Variants in P4HA3 observed in about 807,000 individuals in gnomAD.
The protein encoded by P4HA3 is prolyl 4-hydroxylase subunit alpha-3.
A neutral mutation model predicts 66.7 loss-of-function variants in P4HA3; 60 were observed. That is an observed-to-expected ratio of 0.90 (90% CI 0.73 to 1.12). The LOEUF (loss-of-function observed/expected upper bound fraction) is 1.12, where lower values mean the gene tolerates loss of function less well. P4HA3 is among the 50% of genes most tolerant of loss of function. P4HA3 has a pLI of 0.00. For missense variants in P4HA3, 683 were observed against 685.8 expected (o/e 1.00, Z 0.05); for synonymous variants, 263 against 274.6 (o/e 0.96, Z 0.42).
At chr11:74,308,232 G>C (rs542057473) in intron 1 of P4HA3, among the ~76,000 whole-genome samples, 11 of 152,202 alleles carry the variant, frequency 7.2e-5, no homozygotes, top group African/African-American at 2.6e-4. Flanking sequence ...AAACATAAAG[G>C]CTGGGCACGG....
intron 8 of P4HA3, among the ~76,000 whole-genome samples, chr11:74,278,131 G>A (rs1177135214): frequency 1.3e-5 from 2 of 152,218 alleles, no homozygotes; most frequent in Non-Finnish European, 1.5e-5. Context: ...AAGCACAGAG[G>A]AAGGAGAAGT....
intron 4 of P4HA3, among the ~76,000 whole-genome samples, chr11:74,297,394 C>T (rs1388601702): frequency 6.6e-6 from 1 of 151,868 alleles, no homozygotes; most frequent in African/African-American, 2.4e-5. Flanking sequence ...TCCCCTTTCT[C>T]AAGAAAATGG....
chr11:74,250,770 G>T, intron 15 of P4HA3: 1 of 580,144 alleles, frequency 1.7e-6, no homozygotes. Context: ...GAAGGGAAAT[G>T]ATTGGCGCAA....
chr11:74,296,981 G>T (rs1861239557), intron 4 of P4HA3, among the ~76,000 whole-genome samples: 1 of 147,044 alleles, frequency 6.8e-6, no homozygotes, highest in Non-Finnish European at 1.5e-5. Flanking sequence ...TCCCAGGCTG[G>T]AGGGCAATAG....
At chr11:74,290,725 A>T (rs1035272346) in intron 4 of P4HA3, among the ~76,000 whole-genome samples, 3 of 152,110 alleles carry the variant, frequency 2.0e-5, no homozygotes, top group African/African-American at 7.2e-5. Flanking sequence ...TGCTTGTTTT[A>T]GTCAGGTTTG....
chr11:74,276,230 C>T (rs1860388883), intron 9 of P4HA3, among the ~76,000 whole-genome samples: 1 of 152,120 alleles, frequency 6.6e-6, no homozygotes, highest in African/African-American at 2.4e-5. Context: ...GATGGGTACA[C>T]TAGAAGTGTG....
At chr11:74,289,845 G>T (rs1242651121) in intron 4 of P4HA3, among the ~76,000 whole-genome samples, 1 of 152,014 alleles carries the variant, frequency 6.6e-6, no homozygotes, top group African/African-American at 2.4e-5. Flanking sequence ...GTCTATCGTT[G>T]TTGGACATTT....
chr11:74,287,189 C>G, intron 5 of P4HA3: 1 of 1,279,682 alleles, frequency 7.8e-7, no homozygotes, highest in South Asian at 1.3e-5. Context: ...GGCCTCTTTG[C>G]ATGACTCTCA....
In P4HA3 at chr11:74,274,936, T is replaced by C. The variant is rs545739722; in HGVS notation, c.1336-1329A>G. On this transcript the variant is annotated intron_variant, in intron 9 of 12. Coordinates refer to ENST00000331597, the MANE Select transcript of P4HA3 (RefSeq NM_182904.5). ...TTTAATTTGCATTTCCCTAATGATG[T>C]TGAGCATCTTTCCATATGTTTCTTA... Among the ~76,000 whole-genome samples, 29 of 152,314 alleles carry C rather than the reference T, an allele frequency of 1.9e-4. No homozygotes were observed. The South Asian group carries it at 3.5e-3, about 18-fold the overall frequency.
intron 1 of P4HA3, among the ~76,000 whole-genome samples, chr11:74,304,882 G>C (rs987843154): frequency 6.6e-6 from 1 of 152,108 alleles, no homozygotes; most frequent in Non-Finnish European, 1.5e-5. Context: ...TCCACGGACC[G>C]GGGGGTTGGG....
At chr11:74,298,582 G>C (rs1861301054) in intron 3 of P4HA3, among the ~76,000 whole-genome samples, 1 of 152,194 alleles carries the variant, frequency 6.6e-6, no homozygotes, top group Non-Finnish European at 1.5e-5. Context: ...TAATCTGAAG[G>C]AAAAGAGAAC....
At chr11:74,279,938 A>G (rs768136728) in intron 7 of P4HA3, among the ~76,000 whole-genome samples, 4 of 152,186 alleles carry the variant, frequency 2.6e-5, no homozygotes, top group Non-Finnish European at 5.9e-5. Flanking sequence ...GAATATTCTA[A>G]TGAAAGCCTT....
chr11:74,266,501 G>A (rs1859993853), downstream of P4HA3, among the ~76,000 whole-genome samples: 1 of 152,122 alleles, frequency 6.6e-6, no homozygotes, highest in Admixed American at 6.5e-5. Context: ...AGCATGTACA[G>A]AATAAAGTCT....
chr11:74,262,887 C>T (rs1288104166), downstream of P4HA3, among the ~76,000 whole-genome samples: 2 of 152,184 alleles, frequency 1.3e-5, no homozygotes, highest in African/African-American at 4.8e-5. Context: ...ACAAGAGTCC[C>T]CCAGAATCAA....
downstream of P4HA3, among the ~76,000 whole-genome samples, chr11:74,262,364 A>G (rs1591081666): frequency 6.6e-6 from 1 of 152,196 alleles, no homozygotes; most frequent in South Asian, 2.1e-4. Context: ...CCTGTGACCA[A>G]TGAAGTGAAT....
chr11:74,254,373 A>G (rs1859781797), intron 15 of P4HA3: 1 of 152,782 alleles, frequency 6.5e-6, no homozygotes, highest in Non-Finnish European at 1.5e-5. Flanking sequence ...CTTCAAACCT[A>G]CAGCTTCTCT....
chr11:74,298,749 G>A (rs1341862091), intron 3 of P4HA3, among the ~76,000 whole-genome samples: 1 of 152,192 alleles, frequency 6.6e-6, no homozygotes, highest in African/African-American at 2.4e-5. Flanking sequence ...CTTGAAGAAG[G>A]AAAAGGATAT....
At chr11:74,262,417 GCT>G (rs1859922178), downstream of P4HA3, among the ~76,000 whole-genome samples, 1 of 152,014 alleles carries the variant, frequency 6.6e-6, no homozygotes, top group Non-Finnish European at 1.5e-5. Context: ...AAAGAGGCAG[GCT>G]CTGATTCCAA....
At chr11:74,310,382 C>A (rs1486333544) in intron 1 of P4HA3, among the ~76,000 whole-genome samples, 1 of 152,226 alleles carries the variant, frequency 6.6e-6, no homozygotes, top group East Asian at 1.9e-4. Flanking sequence ...AGCTGAGCAT[C>A]CACTGCTGTG....
Sources: gnomAD v4.1 joint callset for allele counts (sites outside exome capture counted in the v4.1 genomes callset) on GRCh38, gnomAD v4.1.1 for gene constraint, MANE v1.5 for transcripts, NCBI Gene and HGNC (gene_info 2026-07-23, HGNC 2026-07-21) for gene names.